The following PCDHGA4 variants were observed in gnomAD, a reference collection of about 807,000 sequenced individuals.
PCDHGA4 encodes protocadherin gamma subfamily A, 4.
PCDHGA4 carries 38 observed loss-of-function variants against 54.6 expected under a neutral mutation model. The ratio of observed to expected loss-of-function variants is 0.70; its 90% CI spans 0.54 to 0.91. The LOEUF is 0.91. Ranked by LOEUF, PCDHGA4 falls within the 40% of genes least tolerant of loss-of-function variation. The pLI is 0.00. For missense variants in PCDHGA4, 1,298 were observed against 1,220.9 expected (o/e 1.06, Z -0.94); for synonymous variants, 511 against 512.9 (o/e 1.00, Z 0.05).
At chr5:141,365,228 G>C in intron 1 of PCDHGA4, 1 of 1,613,942 alleles carries the variant, frequency 6.2e-7, no homozygotes, top group Non-Finnish European at 8.5e-7. Flanking sequence ...CAACCTGGGG[G>C]AAATCTCAAC....
chr5:141,372,338 T>C, intron 1 of PCDHGA4: 1 of 1,613,820 alleles, frequency 6.2e-7, no homozygotes, highest in Non-Finnish European at 8.5e-7. Context: ...CTGTGCGTGA[T>C]GGAGGACAGC....
At chr5:141,404,855 A>G (rs370062374) in intron 1 of PCDHGA4, 13 of 1,613,704 alleles carry the variant, frequency 8.1e-6, no homozygotes, top group African/African-American at 2.7e-5. Flanking sequence ...CCTGCTAGAT[A>G]GAGATGCGCT....
intron 1 of PCDHGA4, chr5:141,415,035 C>T (rs368588973): frequency 8.9e-5 from 143 of 1,613,460 alleles, no homozygotes; most frequent in Non-Finnish European, 1.1e-4. Flanking sequence ...AGCCGGGACT[C>T]TTCGCGGTGG....
chr5:141,374,104 T>A (rs200348921), intron 1 of PCDHGA4: 3 of 1,570,610 alleles, frequency 1.9e-6, no homozygotes, highest in Non-Finnish European at 8.6e-7. Context: ...CGCAGAGGCA[T>A]CCGCAGCGCA....
At chr5:141,365,937 A>G (rs1431683352) in intron 1 of PCDHGA4, 3 of 1,614,226 alleles carry the variant, frequency 1.9e-6, no homozygotes, top group Non-Finnish European at 2.5e-6. Context: ...ACAGCCAGCG[A>G]CAGTGGGAAC....
chr5:141,491,138 C>T lies in PCDHGA4; in HGVS notation c.2515-3669C>T. The T allele has an allele frequency of 1.2e-6, 2 of 1,614,106 alleles. No individual in the cohort carries two copies. The highest frequency in any genetic ancestry group is 1.7e-6 in the Non-Finnish European group (2 of 1,179,962). On this transcript the variant is annotated intron_variant, in intron 1 of 3. Transcript: ENST00000571252. The surrounding 1 kb of genome is among the most constrained non-coding windows in gnomAD (Gnocchi z 6.9). ...ACTGGTGAGGTGCGCACAGCCCGGG[C>T]CTTACTGGAGGATGACTCTGACACC...
Position 141,511,669 on chromosome 5 carries a change from T to C in PCDHGA4, c.*496T>C, listed in dbSNP as rs1468492336. 1 of 199,424 alleles carries C rather than the reference T, an allele frequency of 5.0e-6. No individual in the cohort carries two copies. The highest frequency in any genetic ancestry group is 2.3e-5 in the African/African-American group (1 of 43,748). The allele number at this position is 199,424 out of a possible 1,614,324, so 12.4% of individuals were successfully genotyped here. ...TCTTGGCCTCTCCTTTGATTCTCAA[T>C]CTTCCCCCAAAGCATGGTTTGGTGC... On this transcript the variant is annotated 3_prime_UTR_variant, in exon 4 of 4. Coordinates refer to ENST00000571252, the MANE Select transcript of PCDHGA4 (RefSeq NM_018917.4).
chr5:141,393,664 T>A, intron 1 of PCDHGA4: 1 of 1,613,772 alleles, frequency 6.2e-7, no homozygotes. Context: ...TTCCGGAAAA[T>A]TAATGAAAAA....
At chr5:141,498,947 AAAAG>A (rs1475471777) in intron 2 of PCDHGA4, among the ~76,000 whole-genome samples, 1 of 145,446 alleles carries the variant, frequency 6.9e-6, no homozygotes, top group African/African-American at 2.6e-5. Context: ...GAAAGAAAGA[AAAAG>A]AGAGAGAGGG....
chr5:141,355,974 C>T lies in PCDHGA4; in HGVS notation c.867C>T (p.Gly289=). 1.2e-6 allele frequency: 2 copies of T among 1,613,872 alleles called. No homozygotes were observed. The highest frequency in any genetic ancestry group is 2.2e-5 in the East Asian group (1 of 44,888). ...GTGTTCGTGAGAACGTTCCTGTAGG[C>T]ACTCGGCTACTCACCGTAAAAGCCA... is the stretch of plus-strand genomic sequence containing the variant. The part of the protein sequence containing the change: ...HVSVRENVPV[G]TRLLTVKATD... The change falls in exon 1 of 4, where the codon GGC becomes GGT. Residue 289 remains glycine, a synonymous_variant. Coordinates refer to ENST00000571252, the MANE Select transcript of PCDHGA4 (RefSeq NM_018917.4).
intron 1 of PCDHGA4, chr5:141,409,367 G>A: frequency 1.9e-6 from 3 of 1,614,000 alleles, no homozygotes; most frequent in Non-Finnish European, 2.5e-6. Context: ...TATAGAAACA[G>A]ACATTCCATT....
rs755321974 is a variant in PCDHGA4 at position 141,365,861 on chromosome 5, A to G, written c.2514+8240A>G. ...CTCCTATGTATCCATTAACTCTGAC[A>G]CCGGTGTCCTGTATGCTCTGAGATC... On this transcript the variant is annotated intron_variant, in intron 1 of 3. Coordinates refer to ENST00000571252, the MANE Select transcript of PCDHGA4 (RefSeq NM_018917.4). The G allele has an allele frequency of 2.5e-5, 40 of 1,613,912 alleles. No individual in the cohort carries two copies. The highest frequency in any genetic ancestry group is 1.6e-4 in the Middle Eastern group (1 of 6,084).
intron 1 of PCDHGA4, chr5:141,383,022 AG>A: frequency 6.2e-7 from 1 of 1,613,826 alleles, no homozygotes; most frequent in Non-Finnish European, 8.5e-7. Context: ...AGACGGACAA[AG>A]GGTCCTTTGT....
intron 2 of PCDHGA4, among the ~76,000 whole-genome samples, chr5:141,501,838 G>C (rs888418141): frequency 6.6e-6 from 1 of 152,000 alleles, no homozygotes; most frequent in African/African-American, 2.4e-5. Flanking sequence ...CACCTGTTTG[G>C]CCCTCAACCT....
Position 141,476,543 on chromosome 5 carries a change from G to A in PCDHGA4, c.2515-18264G>A, listed in dbSNP as rs1419273574. 1 of 1,614,220 alleles carries A rather than the reference G, an allele frequency of 6.2e-7. No individual in the cohort carries two copies. Among genetic ancestry groups the A allele is most frequent in the South Asian group, 1.1e-5 (1 of 91,084 alleles). On this transcript the variant is annotated intron_variant, in intron 1 of 3. Transcript: ENST00000571252. The surrounding 1 kb of genome is among the most constrained non-coding windows in gnomAD (Gnocchi z 7.6). ...TTTCCCTACCCAGGAAATGAAATTG[G>A]AGATTAGCGAGGCCGTGGCTCCGGG...
intron 1 of PCDHGA4, chr5:141,399,509 AC>A: frequency 6.2e-7 from 1 of 1,613,968 alleles, no homozygotes; most frequent in Non-Finnish European, 8.5e-7. Flanking sequence ...CCCGAAAACA[AC>A]CCTCCTGGGG....
In PCDHGA4 at chr5:141,463,438, C is replaced by CTTT. The variant is rs71576115; in HGVS notation, c.2515-31343_2515-31341dup. ...GTTTGCGGATCCTCATTTCCTTCTC[C>CTTT]TTTTTTTTTTTTTTTTTTTTTTTTT... On this transcript the variant is annotated intron_variant, in intron 1 of 3. Coordinates refer to ENST00000571252, the MANE Select transcript of PCDHGA4 (RefSeq NM_018917.4). 5.0e-3 allele frequency among the ~76,000 whole-genome samples: 517 copies of CTTT among 103,248 alleles called. 61 individuals are homozygous for CTTT. The highest frequency in any genetic ancestry group is 0.017 in the African/African-American group (381 of 22,398). The allele number at this position is 103,248 out of a possible 152,430, so 67.7% of individuals were successfully genotyped here.
intron 1 of PCDHGA4, chr5:141,418,787 G>A: frequency 6.2e-7 from 1 of 1,613,794 alleles, no homozygotes; most frequent in Non-Finnish European, 8.5e-7. Context: ...TTTGGATTTT[G>A]AAGAAGTAGA....
intron 1 of PCDHGA4, chr5:141,365,824 G>A: frequency 1.2e-6 from 2 of 1,613,926 alleles, no homozygotes; most frequent in Non-Finnish European, 1.7e-6. Context: ...CATTTCAGGG[G>A]GCGCCCTTGT....
Sources: allele counts gnomAD v4.1 joint callset (sites outside exome capture counted in the v4.1 genomes callset), GRCh38; gene constraint gnomAD v4.1.1; non-coding constraint Gnocchi (gnomAD v3.1); transcripts MANE v1.5; gene names NCBI Gene and HGNC (gene_info 2026-07-23, HGNC 2026-07-21).